SLC39A10: variants seen among roughly 807,000 people sequenced by gnomAD.
SLC39A10 encodes the protein zinc transporter ZIP10.
A neutral mutation model predicts 65.1 loss-of-function variants in SLC39A10; 13 were observed. The observed-to-expected ratio is 0.20, with a 90% CI of 0.13 to 0.32. The LOEUF (loss-of-function observed/expected upper bound fraction) is 0.32, where lower values mean the gene tolerates loss of function less well. SLC39A10 is among the 10% of genes least tolerant of loss of function. The pLI is 1.00. For missense variants in SLC39A10, 831 were observed against 1,018.4 expected, an observed-to-expected ratio of 0.82 and a Z score of 2.50; for synonymous variants, 321 against 342.2, an observed-to-expected ratio of 0.94 and a Z score of 0.68.
At chr2:195,615,897 T>C (rs1425888733) in intron 2 of SLC39A10, among the ~76,000 whole-genome samples, 4 of 152,232 alleles carry the variant, frequency 2.6e-5, no homozygotes, top group African/African-American at 9.6e-5. Context: ...TTCTGCTTTC[T>C]AATTATGTGT....
chr2:195,664,641 ATAAAG>A (rs1689564914), intron 1 of SLC39A10, among the ~76,000 whole-genome samples: 1 of 152,184 alleles, frequency 6.6e-6, no homozygotes, highest in Non-Finnish European at 1.5e-5. Context: ...TGAATTAAAA[ATAAAG>A]TAAGACCTTT....
At position 195,728,949 on chromosome 2, in the gene SLC39A10, C is replaced by T. The variant is rs1375464452; in HGVS notation, c.2337+600C>T. On this transcript the variant is annotated intron_variant, in intron 9 of 9. Coordinates refer to ENST00000359634, the MANE Select transcript of SLC39A10 (RefSeq NM_020342.3). The surrounding 1 kb of genome is among the most constrained non-coding windows in gnomAD (Gnocchi z 4.4). ...TACTTTTTTTTTTCTGGTAAGATCA[C>T]AGTCTTATTTCAAAATTATGCAGCC... Among the ~76,000 whole-genome samples the T allele has an allele frequency of 6.7e-6, 1 of 148,824 alleles. No individual in the cohort carries two copies. The highest frequency in any genetic ancestry group is 1.5e-5 in the Non-Finnish European group (1 of 67,456).
chr2:195,654,358 T>C (rs1395140675), upstream of SLC39A10, among the ~76,000 whole-genome samples: 7 of 150,810 alleles, frequency 4.6e-5, no homozygotes, highest in Non-Finnish European at 1.0e-4. Flanking sequence ...CTTCAGCCAC[T>C]GCTAAAGATT....
chr2:195,655,047 T>C (rs1689117329), upstream of SLC39A10, among the ~76,000 whole-genome samples: 1 of 152,198 alleles, frequency 6.6e-6, no homozygotes, highest in Non-Finnish European at 1.5e-5. Flanking sequence ...TAGTTTTCTA[T>C]AGGGATGACA....
intron 3 of SLC39A10, among the ~76,000 whole-genome samples, chr2:195,689,404 G>A (rs1356451700): frequency 6.6e-6 from 1 of 151,872 alleles, no homozygotes; most frequent in Non-Finnish European, 1.5e-5. Context: ...CCTGGATAAC[G>A]AAGTGAGAAC....
At chr2:195,706,922 C>G (rs886592759) in intron 4 of SLC39A10, 137 bp downstream of exon 4, 11 of 579,454 alleles carry the variant, frequency 1.9e-5, no homozygotes, top group Non-Finnish European at 2.6e-5. Context: ...GTATTTTTTT[C>G]TCCATTTTCA....
intron 5 of SLC39A10, 44 bp downstream of exon 5, chr2:195,708,888 A>G: frequency 7.1e-7 from 1 of 1,405,972 alleles, no homozygotes; most frequent in South Asian, 1.4e-5. Flanking sequence ...TAAAACTCAA[A>G]ACAAAAATTA....
At chr2:195,657,411 C>T in intron 1 of SLC39A10, 130 bp downstream of exon 1, 2 of 985,666 alleles carry the variant, frequency 2.0e-6, no homozygotes, top group East Asian at 1.1e-4. Context: ...GGGGCTGGTT[C>T]CCTCGGGGAT....
intron 2 of SLC39A10, among the ~76,000 whole-genome samples, chr2:195,633,937 G>T (rs1327922585): frequency 6.6e-6 from 1 of 152,192 alleles, no homozygotes; most frequent in African/African-American, 2.4e-5. Flanking sequence ...TGAGGGTGGG[G>T]CTTCGCCAGG....
At chr2:195,687,469 A>G (rs1254802319) in intron 3 of SLC39A10, among the ~76,000 whole-genome samples, 1 of 152,220 alleles carries the variant, frequency 6.6e-6, no homozygotes, top group Non-Finnish European at 1.5e-5. Context: ...GACTATAGCA[A>G]TACTGAAAGT....
chr2:195,632,290 C>CTTTTT lies in SLC39A10; in HGVS notation c.-12+26080_-12+26084dup, dbSNP rs202193660. Among the ~76,000 whole-genome samples, 17 of 69,224 alleles carry CTTTTT rather than the reference C, an allele frequency of 2.5e-4. 3 individuals carry two copies. The highest frequency in any genetic ancestry group is 9.4e-4 in the African/African-American group (15 of 15,952). 45.4% of individuals were successfully genotyped at this position (69,224 alleles called of 152,430 possible). On this transcript the variant is annotated intron_variant, in intron 2 of 2. Transcript: ENST00000458054. Reference sequence around the variant, plus strand: ...AGGTCACCAGCTCTCATTCTACTTCCTTTTTTTTTTTTTTTTTTTTTTTTT... The same window carrying CTTTTT: ...AGGTCACCAGCTCTCATTCTACTTCCTTTTTTTTTTTTTTTTTTTTTTTTTTTTTT...
At chr2:195,617,565 GA>G (rs1688243643) in intron 2 of SLC39A10, among the ~76,000 whole-genome samples, 1 of 150,406 alleles carries the variant, frequency 6.6e-6, no homozygotes, top group East Asian at 2.0e-4. Context: ...CCGTCTCAAA[GA>G]AAAAAAGAAA....
chr2:195,696,329 A>AAC (rs936293069), intron 3 of SLC39A10, among the ~76,000 whole-genome samples: 4 of 151,856 alleles, frequency 2.6e-5, no homozygotes, highest in South Asian at 2.1e-4. Flanking sequence ...GAAAAAAAAA[A>AAC]AAAAAACCTA....
chr2:195,676,866 G>A (rs542515954), intron 1 of SLC39A10, among the ~76,000 whole-genome samples: 1 of 152,278 alleles, frequency 6.6e-6, no homozygotes, highest in Admixed American at 6.5e-5. Context: ...CACTTGGGAA[G>A]ATTTTATGTA....
intron 2 of SLC39A10, among the ~76,000 whole-genome samples, chr2:195,613,690 A>G (rs1688145477): frequency 1.3e-5 from 2 of 152,246 alleles, no homozygotes; most frequent in Admixed American, 1.3e-4. Context: ...TTCATCTGCA[A>G]TTAATCAATT....
At chr2:195,631,176 ACT>A (rs1410620258) in intron 2 of SLC39A10, among the ~76,000 whole-genome samples, 1 of 151,806 alleles carries the variant, frequency 6.6e-6, no homozygotes, top group East Asian at 1.9e-4. Flanking sequence ...ACAGAGTGAG[ACT>A]CTGTCTTAAA....
intron 1 of SLC39A10, among the ~76,000 whole-genome samples, chr2:195,677,302 G>A (rs1690127265): frequency 6.7e-6 from 1 of 149,340 alleles, no homozygotes; most frequent in African/African-American, 2.5e-5. Flanking sequence ...TGCAATCTTA[G>A]CACTTTGGGA....
intron 1 of SLC39A10, among the ~76,000 whole-genome samples, chr2:195,663,269 C>A (rs1474049238): frequency 6.6e-6 from 1 of 152,082 alleles, no homozygotes; most frequent in Non-Finnish European, 1.5e-5. Context: ...TGCATGCTTA[C>A]AGGCCTTTAA....
intron 8 of SLC39A10, among the ~76,000 whole-genome samples, chr2:195,720,663 G>A (rs982689687): frequency 2.0e-5 from 3 of 152,098 alleles, no homozygotes; most frequent in Non-Finnish European, 4.4e-5. Context: ...GTGCATACTT[G>A]GTGCTAATTC....
Sources: allele counts gnomAD v4.1 joint callset (sites outside exome capture counted in the v4.1 genomes callset), GRCh38; gene constraint gnomAD v4.1.1; non-coding constraint Gnocchi (gnomAD v3.1); transcripts MANE v1.5; gene names NCBI Gene and HGNC (gene_info 2026-07-23, HGNC 2026-07-21).